The following TMEM150C variants were observed in gnomAD, a reference collection of about 807,000 sequenced individuals.
TMEM150C encodes transmembrane protein 150C, also known as tentonin 3.
Under a neutral mutation model 29.9 loss-of-function variants are expected in TMEM150C, and 10 were observed. The observed-to-expected ratio is 0.33, with a 90% CI of 0.21 to 0.57. The LOEUF is 0.57. Among genes scored for constraint, TMEM150C ranks in the 20% least tolerant of loss-of-function variants. The probability of loss-of-function intolerance (pLI) is 0.88; values close to 1 mark genes in which losing one functional copy is unlikely to be tolerated. For synonymous variants in TMEM150C, 101 were observed against 112.5 expected, an observed-to-expected ratio of 0.90 and a Z score of 0.64; for missense variants, 251 against 303.6, an observed-to-expected ratio of 0.83 and a Z score of 1.29.
intron 5 of TMEM150C, among the ~76,000 whole-genome samples, chr4:82,496,596 G>A (rs1723565629): frequency 6.6e-6 from 1 of 152,184 alleles, no homozygotes; most frequent in Non-Finnish European, 1.5e-5. Flanking sequence ...GGAGAGCACT[G>A]CAGAGGCTTG....
At position 82,490,057 on chromosome 4, in the gene TMEM150C, A is replaced by T. The variant is rs756389318; in HGVS notation, c.541+4T>A. The T allele has an allele frequency of 1.2e-6, 2 of 1,613,526 alleles. No individual in the cohort carries two copies. Among genetic ancestry groups the T allele is most frequent in the Non-Finnish European group, 1.7e-6 (2 of 1,179,732 alleles). On this transcript the variant is annotated splice_donor_region_variant and intron_variant, in intron 7 of 7. Transcript: ENST00000449862. ...AAAAGAAGCTTTTCACGTTCAAAGG[A>T]TACAGAGGACCACACAGAGAGTGAT...
intron 1 of TMEM150C, 37 bp downstream of exon 1, chr4:82,561,869 C>G: frequency 1.0e-6 from 1 of 984,078 alleles, no homozygotes; most frequent in Non-Finnish European, 1.2e-6. Context: ...CCTGGCTGCG[C>G]GACGGGCCCA....
rs116707398 is a variant in TMEM150C at position 82,526,584 on chromosome 4, C to T, written c.-10-21917G>A. Reference sequence around the variant, plus strand: ...AGGTGGAGACTATTTTTACTGCCAACTTACAAATGAAAATATAAAGGCCTA... The same window carrying T: ...AGGTGGAGACTATTTTTACTGCCAATTTACAAATGAAAATATAAAGGCCTA... On this transcript the variant is annotated intron_variant, in intron 1 of 7. Coordinates refer to ENST00000449862, the MANE Select transcript of TMEM150C (RefSeq NM_001080506.3). Among the ~76,000 whole-genome samples, 492 of 152,212 alleles carry T rather than the reference C, an allele frequency of 3.2e-3. 3 individuals carry two copies. The highest frequency in any genetic ancestry group is 0.011 in the African/African-American group (473 of 41,512).
At chr4:82,554,759 G>T (rs534238026) in intron 1 of TMEM150C, among the ~76,000 whole-genome samples, 1 of 152,120 alleles carries the variant, frequency 6.6e-6, no homozygotes, top group South Asian at 2.1e-4. Context: ...TTCCTATACC[G>T]CCATAGTTAA....
intron 1 of TMEM150C, among the ~76,000 whole-genome samples, chr4:82,514,713 C>T (rs780795269): frequency 2.0e-5 from 3 of 152,176 alleles, no homozygotes; most frequent in African/African-American, 7.2e-5. Flanking sequence ...TTCCTCTGCA[C>T]TGTGAAGTAG....
intron 5 of TMEM150C, among the ~76,000 whole-genome samples, chr4:82,497,146 C>G (rs76159954): frequency 2.2e-3 from 330 of 152,206 alleles, no homozygotes; most frequent in African/African-American, 7.9e-3. Context: ...AGGCCCTAAT[C>G]TAAGGATGAC....
intron 6 of TMEM150C, chr4:82,495,405 C>T (rs575953142): frequency 1.8e-5 from 5 of 276,042 alleles, no homozygotes; most frequent in South Asian, 7.7e-5. Flanking sequence ...CTCGCCACTG[C>T]GCTAAAACCT....
chr4:82,497,463 G>C (rs899853221), intron 5 of TMEM150C, among the ~76,000 whole-genome samples: 1 of 152,094 alleles, frequency 6.6e-6, no homozygotes, highest in East Asian at 1.9e-4. Context: ...TGCATTTCTC[G>C]AGTATGTTAA....
intron 6 of TMEM150C, chr4:82,491,308 T>C (rs1055968321): frequency 5.9e-6 from 4 of 678,710 alleles, no homozygotes; most frequent in Non-Finnish European, 1.1e-5. Context: ...TCTTGCTTTG[T>C]CTCTGGTCTG....
intron 2 of TMEM150C, 35 bp from the exon 3 acceptor site, chr4:82,503,147 A>G: frequency 6.9e-7 from 1 of 1,457,540 alleles, no homozygotes; most frequent in Non-Finnish European, 9.4e-7. Context: ...GAACAAAGAA[A>G]TTGGAAAAAA....
chr4:82,546,254 C>T (rs1402352159), intron 1 of TMEM150C, among the ~76,000 whole-genome samples: 3 of 152,128 alleles, frequency 2.0e-5, no homozygotes, highest in South Asian at 2.1e-4. Flanking sequence ...TCACATGGAA[C>T]TAAACAAGAG....
intron 1 of TMEM150C, among the ~76,000 whole-genome samples, chr4:82,555,515 T>C (rs571785580): frequency 6.1e-4 from 93 of 152,180 alleles, no homozygotes; most frequent in Non-Finnish European, 1.2e-3. Context: ...TGAGGTCTCT[T>C]CCTGCCTAAA....
At position 82,491,036 on chromosome 4, in the gene TMEM150C, C is replaced by T. The variant is rs1723326199; in HGVS notation, c.364-798G>A. The T allele has an allele frequency of 1.5e-5, 11 of 734,868 alleles. No individual in the cohort carries two copies. In the East Asian group the frequency reaches 2.7e-4, roughly 18 times the overall value. 45.5% of individuals were successfully genotyped at this position (734,868 alleles called of 1,614,324 possible). A position where few individuals can be genotyped will look rare whatever the true frequency, so the allele number is the denominator to read the frequency against. ...TGAAGACAACAGTGGTGCAGGTCTT[C>T]CTGTGGACTAGACGTCCCAGTCTTG... is the stretch of plus-strand genomic sequence containing the variant. On this transcript the variant is annotated intron_variant, in intron 6 of 7. Transcript: ENST00000449862.
chr4:82,544,845 C>T (rs1725316512), intron 1 of TMEM150C, among the ~76,000 whole-genome samples: 1 of 150,396 alleles, frequency 6.6e-6, no homozygotes, highest in African/African-American at 2.5e-5. Context: ...AAACTCTGGA[C>T]AGACCAATAT....
intron 1 of TMEM150C, among the ~76,000 whole-genome samples, chr4:82,557,023 T>G (rs1032364325): frequency 1.3e-5 from 2 of 152,170 alleles, no homozygotes; most frequent in African/African-American, 4.8e-5. Flanking sequence ...TGGAGAGAAG[T>G]ACCCTAGATG....
upstream of TMEM150C, chr4:82,562,166 G>A (rs1434607749): frequency 1.4e-5 from 18 of 1,281,354 alleles, no homozygotes; most frequent in Middle Eastern, 6.6e-4. Flanking sequence ...TAGTCACCCG[G>A]GGCAGGAGCC....
intron 6 of TMEM150C, chr4:82,490,990 T>C (rs944070632): frequency 1.5e-5 from 11 of 739,180 alleles, no homozygotes; most frequent in Non-Finnish European, 2.5e-5. Context: ...AAAGCTCCTT[T>C]GTCTTCCAAG....
chr4:82,516,307 A>T (rs1724294142), intron 1 of TMEM150C, among the ~76,000 whole-genome samples: 1 of 152,210 alleles, frequency 6.6e-6, no homozygotes, highest in Non-Finnish European at 1.5e-5. Flanking sequence ...GATGTGTTAT[A>T]CCAGGGTGAT....
intron 1 of TMEM150C, among the ~76,000 whole-genome samples, chr4:82,543,139 C>T (rs1294655610): frequency 6.6e-6 from 1 of 152,142 alleles, no homozygotes; most frequent in African/African-American, 2.4e-5. Flanking sequence ...AGGATTGGGC[C>T]CAGGGGGTCT....
Sources: gnomAD v4.1 joint callset for allele counts (sites outside exome capture counted in the v4.1 genomes callset) on GRCh38, gnomAD v4.1.1 for gene constraint, MANE v1.5 for transcripts, NCBI Gene and HGNC (gene_info 2026-07-23, HGNC 2026-07-21) for gene names.